SCARA5: variants seen among roughly 807,000 people sequenced by gnomAD.
The protein encoded by SCARA5 is scavenger receptor class A member 5.
Under a neutral mutation model 46.3 loss-of-function variants are expected in SCARA5, and 45 were observed. The ratio of observed to expected loss-of-function variants is 0.97; its 90% confidence interval spans 0.76 to 1.24. The LOEUF (loss-of-function observed/expected upper bound fraction) is 1.24. Among genes scored for constraint, SCARA5 ranks in the 50% most tolerant of loss-of-function variants. The probability of loss-of-function intolerance (pLI) is 0.00; values close to 1 mark genes in which losing one functional copy is unlikely to be tolerated. For synonymous variants in SCARA5, 333 were observed against 306.5 expected, an observed-to-expected ratio of 1.09 and a Z score of -0.90; for missense variants, 680 against 689.0, an observed-to-expected ratio of 0.99 and a Z score of 0.15.
In SCARA5 at chr8:27,980,552, C is replaced by T. The variant is rs112663325; in HGVS notation, c.112+6952G>A. ...TTTGGCTGAAGACAGAGAGGGGATG[C>T]TCCAGGCCATGCCCGTCTGCATGGA... is the stretch of plus-strand genomic sequence containing the variant. On this transcript the variant is annotated intron_variant, in intron 2 of 8. Coordinates refer to ENST00000354914, the MANE Select transcript of SCARA5 (RefSeq NM_173833.6). Among the ~76,000 whole-genome samples, 394 of 152,250 alleles carry T rather than the reference C, an allele frequency of 2.6e-3. 3 individuals are homozygous for T. Among genetic ancestry groups the T allele is most frequent in the African/African-American group, 8.9e-3 (371 of 41,550 alleles).
rs781506470 is a variant in SCARA5 at position 27,921,711 on chromosome 8, G to A, written c.776C>T (p.Thr259Met). 1.3e-6 allele frequency: 2 copies of A among 1,599,708 alleles called. No individual in the cohort carries two copies. The highest frequency in any genetic ancestry group is 2.3e-5 in the East Asian group (1 of 44,276). The change falls in exon 4 of 9, where the codon ACG (threonine) becomes ATG (methionine). Residue 259 changes from threonine to methionine, a missense_variant. Physicochemically the swap from Thr to Met is moderately conservative, Grantham distance 81. This residue lies in a region of SCARA5 where 438 missense variants were observed against 384.5 expected (regional missense o/e 1.14). Transcript: ENST00000354914. Reference protein sequence around the residue: ...RVLVSNASEDTRRLRLAHVGM... With the variant: ...RVLVSNASEDMRRLRLAHVGM... ...TACGTGCGCCAGGCGCAGGCGGCGC[G>A]TGTCCTCGCTGGCGTTGCTCACCAG...
chr8:27,916,978 G>A (rs2009634), intron 4 of SCARA5, among the ~76,000 whole-genome samples: 82,663 of 151,874 alleles, frequency 0.54, 23,351 homozygotes, highest in Non-Finnish European at 0.63. Flanking sequence ...GAGGACTCCA[G>A]GGAGCTGCCC....
At chr8:27,981,683 C>T (rs188638751) in intron 2 of SCARA5, among the ~76,000 whole-genome samples, 64 of 152,356 alleles carry the variant, frequency 4.2e-4, no homozygotes, top group Admixed American at 1.7e-3. Context: ...CACTGCAACA[C>T]GTGTCACCAA....
chr8:27,894,591 G>A (rs1197541504), intron 7 of SCARA5, among the ~76,000 whole-genome samples: 1 of 152,190 alleles, frequency 6.6e-6, no homozygotes, highest in Non-Finnish European at 1.5e-5. Flanking sequence ...AAGCTCTGTG[G>A]GAGAATGTGG....
At chr8:27,937,677 G>A (rs978284195) in intron 3 of SCARA5, among the ~76,000 whole-genome samples, 1 of 152,170 alleles carries the variant, frequency 6.6e-6, no homozygotes, top group African/African-American at 2.4e-5. Flanking sequence ...TGTTCTCACA[G>A]TTCTGGAGGC....
intron 7 of SCARA5, among the ~76,000 whole-genome samples, chr8:27,887,553 A>G (rs924992539): frequency 1.3e-5 from 2 of 152,100 alleles, no homozygotes; most frequent in African/African-American, 4.8e-5. Context: ...CCTTACTAAA[A>G]ACAAGGAGAG....
At position 27,954,939 on chromosome 8, in the gene SCARA5, C is replaced by T. The variant is rs77152869; in HGVS notation, c.241+11475G>A. ...ACTGAAAATGTCTCACAGAAGACAG[C>T]CTGCCAGACTGTTGTTTTTGACAAC... On this transcript the variant is annotated intron_variant, in intron 3 of 8. Transcript: ENST00000354914. Among the ~76,000 whole-genome samples, 823 of 152,328 alleles carry T rather than the reference C, an allele frequency of 5.4e-3. 9 individuals are homozygous for T. The highest frequency in any genetic ancestry group is 0.019 in the African/African-American group (783 of 41,570).
chr8:27,941,800 C>CATCATT (rs1554573666), intron 3 of SCARA5, among the ~76,000 whole-genome samples: 266 of 135,296 alleles, frequency 2.0e-3, no homozygotes, highest in Middle Eastern at 7.4e-3. Context: ...TTTACATCAT[C>CATCATT]ATTATTATTA....
At chr8:27,935,739 T>C (rs1807844739) in intron 3 of SCARA5, among the ~76,000 whole-genome samples, 1 of 152,112 alleles carries the variant, frequency 6.6e-6, no homozygotes, top group Non-Finnish European at 1.5e-5. Context: ...GACCAGGCTG[T>C]TGGCCCCACC....
Position 27,958,089 on chromosome 8 carries a change from ATGGG to A in SCARA5, c.241+8321_241+8324del, listed in dbSNP as rs1808233559. 2.0e-5 allele frequency among the ~76,000 whole-genome samples: 3 copies of A among 152,254 alleles called. No homozygotes were observed. In the South Asian group the frequency reaches 6.2e-4, roughly 32 times the overall value. ...GATTGCAGTGGGATGGAGCTGAGAGATGGGTGCTCTGCAGTGTCCTGAGTGCTGT... is the reference window on the plus strand; with the variant it reads ...GATTGCAGTGGGATGGAGCTGAGAGATGCTCTGCAGTGTCCTGAGTGCTGT... On this transcript the variant is annotated intron_variant, in intron 3 of 8. Transcript: ENST00000354914.
At chr8:27,884,415 C>T (rs1028520957) in intron 7 of SCARA5, among the ~76,000 whole-genome samples, 4 of 152,242 alleles carry the variant, frequency 2.6e-5, no homozygotes, top group South Asian at 2.1e-4. Context: ...GGCCGCTGCG[C>T]GGGGCCTTGG....
intron 3 of SCARA5, among the ~76,000 whole-genome samples, chr8:27,939,620 G>A (rs974374222): frequency 1.3e-5 from 2 of 152,278 alleles, no homozygotes; most frequent in Non-Finnish European, 2.9e-5. Flanking sequence ...CCTGGGTCAC[G>A]CAGCTAGACA....
rs760986821 is a variant in SCARA5 at position 27,921,577 on chromosome 8, C to T, written c.910G>A (p.Ala304Thr). ...HSIALRNISL[A>T]KGPPGPKGDQ... ...AGCAAGGGCCTGGCGGTACCTTTCG[C>T]GAGGGAGATGTTCCGCAGTGCGATG... The change falls in exon 4 of 9, where the codon GCG (alanine) becomes ACG (threonine). Residue 304 changes from alanine to threonine, a missense_variant. Physicochemically the swap from Ala to Thr is moderately conservative, Grantham distance 58. Coordinates refer to ENST00000354914, the MANE Select transcript of SCARA5 (RefSeq NM_173833.6). 3.9e-6 allele frequency: 6 copies of T among 1,548,688 alleles called. No individual in the cohort carries two copies. The highest frequency in any genetic ancestry group is 5.2e-6 in the Non-Finnish European group (6 of 1,143,364).
At chr8:27,883,187 A>T (rs1364566450) in intron 7 of SCARA5, among the ~76,000 whole-genome samples, 2 of 152,232 alleles carry the variant, frequency 1.3e-5, no homozygotes, top group African/African-American at 4.8e-5. Flanking sequence ...GTAGAGAGCC[A>T]TTCCTGAGCA....
intron 2 of SCARA5, among the ~76,000 whole-genome samples, chr8:27,981,259 A>C (rs1808609987): frequency 1.3e-5 from 2 of 152,200 alleles, no homozygotes; most frequent in African/African-American, 4.8e-5. Flanking sequence ...GGTTTCATAA[A>C]AGGAATGTCT....
chr8:27,921,715 C>T lies in SCARA5; in HGVS notation c.772G>A (p.Asp258Asn), dbSNP rs374738537. The T allele has an allele frequency of 1.4e-4, 227 of 1,597,336 alleles. No individual in the cohort carries two copies. The highest frequency in any genetic ancestry group is 1.8e-4 in the Non-Finnish European group (207 of 1,173,428). Residue 258 changes from aspartate to asparagine, a missense_variant, in exon 4 of 9, where the codon GAC becomes AAC. Coordinates refer to ENST00000354914, the MANE Select transcript of SCARA5 (RefSeq NM_173833.6). ...TGCGCCAGGCGCAGGCGGCGCGTGT[C>T]CTCGCTGGCGTTGCTCACCAGCACC... ...LRVLVSNASE[D>N]TRRLRLAHVG...
intron 3 of SCARA5, 35 bp downstream of exon 3, chr8:27,966,379 C>T (rs1808367952): frequency 6.4e-7 from 1 of 1,566,152 alleles, no homozygotes; most frequent in Non-Finnish European, 8.6e-7. Flanking sequence ...CCTTCCTCAT[C>T]CCAAAAGACC....
intron 3 of SCARA5, among the ~76,000 whole-genome samples, chr8:27,932,039 C>T (rs1225645134): frequency 3.3e-5 from 5 of 151,960 alleles, no homozygotes; most frequent in Admixed American, 6.6e-5. Flanking sequence ...AGTGCAGTGG[C>T]GTCATCTCGG....
chr8:27,910,429 C>T (rs113277653), intron 4 of SCARA5: 6,704 of 152,416 alleles, frequency 0.044, 193 homozygotes, highest in Middle Eastern at 0.1. Flanking sequence ...TAAGCCACAG[C>T]GGGATAAAAG....
Sources: allele counts gnomAD v4.1 joint callset (sites outside exome capture counted in the v4.1 genomes callset), GRCh38; gene constraint gnomAD v4.1.1; regional missense constraint gnomAD v4.1.1; transcripts MANE v1.5; gene names NCBI Gene and HGNC (gene_info 2026-07-23, HGNC 2026-07-21).